TNIK: variants seen among roughly 807,000 people sequenced by gnomAD.
TNIK encodes TRAF2 and NCK-interacting protein kinase.
TNIK carries 49 observed loss-of-function variants against 191.3 expected under a neutral mutation model. That is an observed-to-expected ratio of 0.26 (90% CI 0.20 to 0.32). The LOEUF is 0.32. Among genes scored for constraint, TNIK ranks in the 10% least tolerant of loss-of-function variants. TNIK has a pLI of 1.00. For synonymous variants in TNIK, 594 were observed against 600.9 expected (o/e 0.99, Z 0.17); for missense variants, 1,155 against 1,702.3 (o/e 0.68, Z 5.66).
chr3:171,200,336 C>T (rs1739255124), intron 4 of TNIK, among the ~76,000 whole-genome samples: 1 of 152,180 alleles, frequency 6.6e-6, no homozygotes, highest in Admixed American at 6.5e-5. Context: ...CCAAAAAAAG[C>T]ACAGTGTGGA....
At position 171,117,101 on chromosome 3, in the gene TNIK, G is replaced by C. The variant is rs548364661; in HGVS notation, c.2121-6224C>G. On this transcript the variant is annotated intron_variant, in intron 18 of 32. Transcript: ENST00000436636. ...AAGGGAAGTGTTTGCAATATAAATG[G>C]GTCTCATGAGACAACAACTTCGAAA... Among the ~76,000 whole-genome samples, 32 of 152,182 alleles carry C rather than the reference G, an allele frequency of 2.1e-4. No homozygotes were observed. In the South Asian group the frequency reaches 3.5e-3, roughly 17 times the overall value.
chr3:171,133,800 G>T (rs149126927), intron 15 of TNIK, among the ~76,000 whole-genome samples: 2 of 152,096 alleles, frequency 1.3e-5, no homozygotes, highest in African/African-American at 4.8e-5. Context: ...AGAGAAATCC[G>T]GATGGAGAAG....
At chr3:171,334,158 G>C (rs1327709460) in intron 2 of TNIK, among the ~76,000 whole-genome samples, 1 of 152,182 alleles carries the variant, frequency 6.6e-6, no homozygotes, top group African/African-American at 2.4e-5. Flanking sequence ...GCTTGTCCTA[G>C]AACAAATTAA....
intron 2 of TNIK, among the ~76,000 whole-genome samples, chr3:171,260,064 T>C (rs1747400691): frequency 6.6e-6 from 1 of 152,074 alleles, no homozygotes; most frequent in African/African-American, 2.4e-5. Context: ...CTATCCTCAA[T>C]AGCTGATAAT....
chr3:171,428,616 C>T (rs112166386), intron 1 of TNIK, among the ~76,000 whole-genome samples: 1 of 150,468 alleles, frequency 6.6e-6, no homozygotes. Context: ...TCCGCCCCCA[C>T]CCCCACCCCA....
intron 4 of TNIK, among the ~76,000 whole-genome samples, chr3:171,195,288 G>C (rs1166773963): frequency 6.6e-6 from 1 of 152,020 alleles, no homozygotes; most frequent in East Asian, 1.9e-4. Context: ...TTACTCAATG[G>C]GGATGTAGAG....
chr3:171,118,026 T>C lies in TNIK; in HGVS notation c.2120+5570A>G, dbSNP rs75964440. ...TGTCCCTGTTTGCAGATGACATGAT[T>C]GTATATCTAGAAAGCCCCATCGTCT... On this transcript the variant is annotated intron_variant, in intron 18 of 32. Transcript: ENST00000436636. Among the ~76,000 whole-genome samples the C allele has an allele frequency of 2.8e-3, 421 of 152,276 alleles. 13 individuals are homozygous for C. The East Asian group carries it at 0.064, about 23-fold the overall frequency.
At chr3:171,248,462 G>GTT (rs1745858165) in intron 2 of TNIK, among the ~76,000 whole-genome samples, 1 of 152,224 alleles carries the variant, frequency 6.6e-6, no homozygotes, top group Non-Finnish European at 1.5e-5. Context: ...AAAGGAGATA[G>GTT]TACATGTTGG....
At chr3:171,299,237 G>T (rs1752639920) in intron 2 of TNIK, among the ~76,000 whole-genome samples, 1 of 152,126 alleles carries the variant, frequency 6.6e-6, no homozygotes, top group Non-Finnish European at 1.5e-5. Flanking sequence ...AAACTACTTG[G>T]CTGTAATTTA....
chr3:171,067,996 C>T (rs555230481), intron 30 of TNIK, among the ~76,000 whole-genome samples: 82 of 152,262 alleles, frequency 5.4e-4, no homozygotes, highest in African/African-American at 1.9e-3. Context: ...AGAATAAAGT[C>T]TTAAAACTCT....
intron 2 of TNIK, among the ~76,000 whole-genome samples, chr3:171,322,053 T>G (rs898539538): frequency 1.3e-5 from 2 of 152,158 alleles, no homozygotes; most frequent in African/African-American, 4.8e-5. Flanking sequence ...GATTGTGGGA[T>G]TTTATTGTAC....
At chr3:171,380,639 A>G (rs1412898860) in intron 1 of TNIK, among the ~76,000 whole-genome samples, 1 of 152,258 alleles carries the variant, frequency 6.6e-6, no homozygotes, top group Non-Finnish European at 1.5e-5. Flanking sequence ...TAGGAGTATG[A>G]GGCCCCCTTT....
intron 2 of TNIK, among the ~76,000 whole-genome samples, chr3:171,340,237 G>A (rs1023164615): frequency 6.6e-6 from 1 of 152,140 alleles, no homozygotes; most frequent in African/African-American, 2.4e-5. Context: ...TGGACTATGA[G>A]TGATTAAGGA....
intron 21 of TNIK, among the ~76,000 whole-genome samples, chr3:171,102,680 C>G (rs1019948412): frequency 5.9e-5 from 9 of 152,142 alleles, no homozygotes; most frequent in African/African-American, 2.2e-4. Flanking sequence ...CAGTGAGAGA[C>G]AGGGGATTAG....
At chr3:171,266,773 C>G (rs1054233578) in intron 2 of TNIK, among the ~76,000 whole-genome samples, 2 of 152,194 alleles carry the variant, frequency 1.3e-5, no homozygotes, top group African/African-American at 4.8e-5. Context: ...CTTCCTCTGG[C>G]CTTTCTTGAG....
chr3:171,407,806 G>C (rs1214023178), intron 1 of TNIK, among the ~76,000 whole-genome samples: 2 of 152,164 alleles, frequency 1.3e-5, no homozygotes, highest in Non-Finnish European at 2.9e-5. Flanking sequence ...AGTTTCAACA[G>C]GCGCCCATCT....
At chr3:171,100,284 A>T (rs1723283866) in intron 22 of TNIK, among the ~76,000 whole-genome samples, 1 of 152,194 alleles carries the variant, frequency 6.6e-6, no homozygotes, top group Non-Finnish European at 1.5e-5. Flanking sequence ...TTGTTTCAAA[A>T]TGTCATATTT....
intron 1 of TNIK, among the ~76,000 whole-genome samples, chr3:171,376,124 G>A (rs533827430): frequency 3.9e-4 from 60 of 152,250 alleles, no homozygotes; most frequent in African/African-American, 1.4e-3. Context: ...TTTGGTTTCA[G>A]CCCTAACTGA....
In TNIK at chr3:171,139,628, C is replaced by T. The variant is rs140960940; in HGVS notation, c.1333-72G>A. 2.6e-4 allele frequency: 372 copies of T among 1,437,576 alleles called. 3 individuals carry two copies. The East Asian group carries it at 7.0e-3, about 27-fold the overall frequency. 89.1% of individuals were successfully genotyped at this position (1,437,576 alleles called of 1,614,324 possible). On this transcript the variant is annotated intron_variant, in intron 13 of 32. Coordinates refer to ENST00000436636, the MANE Select transcript of TNIK (RefSeq NM_015028.4). Reference sequence around the variant, plus strand: ...AGAAATGAACCAGTAATTTCAAAGGCGACAAGAGCCGCTAAGTAAAGTGTA... The same window carrying T: ...AGAAATGAACCAGTAATTTCAAAGGTGACAAGAGCCGCTAAGTAAAGTGTA...
Sources: gnomAD v4.1 joint callset for allele counts (sites outside exome capture counted in the v4.1 genomes callset) on GRCh38, gnomAD v4.1.1 for gene constraint, MANE v1.5 for transcripts, NCBI Gene and HGNC (gene_info 2026-07-23, HGNC 2026-07-21) for gene names.